The following TSPAN18 variants were observed in gnomAD, a reference collection of about 807,000 sequenced individuals.
The protein encoded by TSPAN18 is tetraspanin 18, also known as tetraspanin-18.
TSPAN18 carries 14 observed loss-of-function variants against 27.3 expected under a neutral mutation model. The observed-to-expected ratio is 0.51, with a 90% confidence interval of 0.34 to 0.80. The LOEUF is 0.80. TSPAN18 is among the 30% of genes least tolerant of loss of function. The probability of loss-of-function intolerance (pLI) is 0.01; values close to 1 mark genes in which losing one functional copy is unlikely to be tolerated. For synonymous variants in TSPAN18, 143 were observed against 136.5 expected (o/e 1.05, Z -0.33); for missense variants, 268 against 323.9 (o/e 0.83, Z 1.32).
chr11:44,741,201 G>A (rs1169277257), intron 1 of TSPAN18, among the ~76,000 whole-genome samples: 2 of 152,162 alleles, frequency 1.3e-5, no homozygotes, highest in Non-Finnish European at 1.5e-5. Flanking sequence ...AGGACAATCC[G>A]TGGCATTCTT....
chr11:44,806,564 T>G (rs1856598118), intron 2 of TSPAN18, among the ~76,000 whole-genome samples: 2 of 152,214 alleles, frequency 1.3e-5, no homozygotes, highest in South Asian at 2.1e-4. Context: ...CCCAGAAATA[T>G]AACTGCTTAA....
chr11:44,877,339 G>T (rs572905000), intron 3 of TSPAN18, among the ~76,000 whole-genome samples: 2 of 152,200 alleles, frequency 1.3e-5, no homozygotes, highest in Non-Finnish European at 2.9e-5. Flanking sequence ...GGTTGGGCAG[G>T]GGCAGTGTAT....
At chr11:44,860,655 T>C (rs1393539927) in intron 3 of TSPAN18, among the ~76,000 whole-genome samples, 186 bp downstream of exon 3, 2 of 152,252 alleles carry the variant, frequency 1.3e-5, no homozygotes, top group Non-Finnish European at 2.9e-5. Flanking sequence ...TGAGTGGATC[T>C]GAGCCAAGGT....
intron 4 of TSPAN18, among the ~76,000 whole-genome samples, chr11:44,907,378 C>T (rs555864073): frequency 6.6e-6 from 1 of 152,352 alleles, no homozygotes; most frequent in South Asian, 2.1e-4. Context: ...TCCTTCAGGG[C>T]AGGCTCTTGA....
chr11:44,749,351 T>G (rs535534643), intron 1 of TSPAN18, among the ~76,000 whole-genome samples: 6 of 152,208 alleles, frequency 3.9e-5, no homozygotes, highest in Non-Finnish European at 8.8e-5. Flanking sequence ...TGTGAGTGCT[T>G]CCATATGTCA....
chr11:44,799,145 G>A (rs1257571902), intron 2 of TSPAN18, among the ~76,000 whole-genome samples: 1 of 151,982 alleles, frequency 6.6e-6, no homozygotes, highest in Non-Finnish European at 1.5e-5. Flanking sequence ...GGACACAATG[G>A]AACTCTTGTG....
intron 2 of TSPAN18, among the ~76,000 whole-genome samples, chr11:44,853,817 C>T (rs1021564142): frequency 6.6e-6 from 1 of 152,288 alleles, no homozygotes; most frequent in Admixed American, 6.5e-5. Context: ...AGTGCAGAAG[C>T]AGCACCTCGG....
At chr11:44,902,695 G>A (rs556991023) in intron 3 of TSPAN18, among the ~76,000 whole-genome samples, 20 of 152,274 alleles carry the variant, frequency 1.3e-4, no homozygotes, top group African/African-American at 4.6e-4. Context: ...AGGTTGTCCT[G>A]GTGCCTCCCA....
At chr11:44,804,373 A>G (rs1277642730) in intron 2 of TSPAN18, among the ~76,000 whole-genome samples, 2 of 152,210 alleles carry the variant, frequency 1.3e-5, no homozygotes, top group African/African-American at 4.8e-5. Context: ...TTACAGGCGT[A>G]AGCCACCGCG....
intron 3 of TSPAN18, among the ~76,000 whole-genome samples, chr11:44,869,900 G>A (rs888365281): frequency 3.3e-5 from 5 of 152,108 alleles, no homozygotes; most frequent in Admixed American, 6.5e-5. Context: ...AGGAAATAAC[G>A]AGAAAGCACC....
At chr11:44,814,698 C>G (rs371979651) in intron 2 of TSPAN18, among the ~76,000 whole-genome samples, 119 of 152,118 alleles carry the variant, frequency 7.8e-4, no homozygotes, top group African/African-American at 2.8e-3. Context: ...ACCCACCCAC[C>G]CACTCATTCA....
At chr11:44,844,168 T>C (rs1857432815) in intron 2 of TSPAN18, among the ~76,000 whole-genome samples, 1 of 152,272 alleles carries the variant, frequency 6.6e-6, no homozygotes, top group South Asian at 2.1e-4. Context: ...ATAATCCACA[T>C]TCTTCTGTCA....
intron 2 of TSPAN18, among the ~76,000 whole-genome samples, chr11:44,849,996 G>C (rs905398149): frequency 1.3e-5 from 2 of 152,146 alleles, no homozygotes; most frequent in African/African-American, 4.8e-5. Context: ...TCTCCTGACT[G>C]GCCTGGCCCA....
intron 1 of TSPAN18, among the ~76,000 whole-genome samples, chr11:44,760,276 G>A (rs142268066): frequency 6.6e-6 from 1 of 152,208 alleles, no homozygotes; most frequent in African/African-American, 2.4e-5. Flanking sequence ...GGGAACAAAG[G>A]CTGCAGGCTG....
rs1481250126 is a variant in TSPAN18, at chr11:44,931,415, G to T, written c.*2237G>T. ...TGGCTCTAATCCAGGGGCATCCCAG[G>T]CTTCTGGGGCCCACAGAAGTCAGAG... On this transcript the variant is annotated 3_prime_UTR_variant, in exon 10 of 10. Coordinates refer to ENST00000520358, the MANE Select transcript of TSPAN18 (RefSeq NM_130783.5). 1 of 156,042 alleles carries T rather than the reference G, an allele frequency of 6.4e-6. No individual in the cohort carries two copies. Among genetic ancestry groups the T allele is most frequent in the African/African-American group, 2.4e-5 (1 of 41,490 alleles). The allele number at this position is 156,042 out of a possible 1,614,324, so 9.7% of individuals were successfully genotyped here.
chr11:44,744,680 T>G (rs1855029184), intron 1 of TSPAN18, among the ~76,000 whole-genome samples: 1 of 152,208 alleles, frequency 6.6e-6, no homozygotes, highest in Non-Finnish European at 1.5e-5. Context: ...AGGGTTGGTG[T>G]GGGAAATAGA....
At chr11:44,809,856 C>G (rs1565159628) in intron 2 of TSPAN18, among the ~76,000 whole-genome samples, 1 of 152,186 alleles carries the variant, frequency 6.6e-6, no homozygotes, top group Admixed American at 6.5e-5. Flanking sequence ...CATAGGTACT[C>G]AGTAAATGTT....
chr11:44,759,250 G>A (rs1409646887), intron 1 of TSPAN18, among the ~76,000 whole-genome samples: 1 of 152,172 alleles, frequency 6.6e-6, no homozygotes, highest in Non-Finnish European at 1.5e-5. Flanking sequence ...GTCAGCAAAG[G>A]CCAAGACAAG....
At chr11:44,737,363 G>A (rs79596639) in intron 1 of TSPAN18, among the ~76,000 whole-genome samples, 9,125 of 152,200 alleles carry the variant, frequency 0.06, 410 homozygotes, top group African/African-American at 0.12. Context: ...GGCTGAGTGG[G>A]AAGATCACTT....
Sources: gnomAD v4.1 joint callset for allele counts (sites outside exome capture counted in the v4.1 genomes callset) on GRCh38, gnomAD v4.1.1 for gene constraint, MANE v1.5 for transcripts, NCBI Gene and HGNC (gene_info 2026-07-23, HGNC 2026-07-21) for gene names.